Variants in NEBL observed in about 807,000 individuals in gnomAD.
NEBL encodes nebulette, also known as LIM and SH3 protein 2.
NEBL carries 122 observed loss-of-function variants against 140.2 expected under a neutral mutation model. That is an observed-to-expected ratio of 0.87 (90% confidence interval 0.75 to 1.01). NEBL has a LOEUF of 1.01. Ranked by LOEUF, NEBL falls within the 50% of genes least tolerant of loss-of-function variation. NEBL has a pLI of 0.00. For missense variants in NEBL, 1,365 were observed against 1,231.3 expected (o/e 1.11, Z -1.62); for synonymous variants, 436 against 398.9 (o/e 1.09, Z -1.11).
At chr10:20,960,405 G>C (rs1835997309) in intron 4 of NEBL, among the ~76,000 whole-genome samples, 1 of 151,898 alleles carries the variant, frequency 6.6e-6, no homozygotes. Flanking sequence ...TGCTGGGATG[G>C]GGTAGAAAAA....
intron 2 of NEBL, among the ~76,000 whole-genome samples, chr10:21,106,547 A>G (rs1313244494): frequency 6.6e-6 from 1 of 152,032 alleles, no homozygotes; most frequent in African/African-American, 2.4e-5. Context: ...TGGTCTATAT[A>G]TCTGTTTTGG....
intron 26 of NEBL, among the ~76,000 whole-genome samples, chr10:20,798,932 T>C (rs1028543667): frequency 6.6e-6 from 1 of 152,182 alleles, no homozygotes; most frequent in East Asian, 1.9e-4. Flanking sequence ...ATTTCTTTCA[T>C]TCCATTTCTA....
intron 26 of NEBL, among the ~76,000 whole-genome samples, chr10:20,789,953 G>GTA (rs144361238): frequency 0.02 from 2,973 of 146,386 alleles, 87 homozygotes; most frequent in African/African-American, 0.065. Flanking sequence ...ATATGTGTGT[G>GTA]TATATATATA....
At chr10:21,117,282 C>T (rs1464985727) in intron 2 of NEBL, among the ~76,000 whole-genome samples, 2 of 151,914 alleles carry the variant, frequency 1.3e-5, no homozygotes, top group African/African-American at 4.8e-5. Flanking sequence ...GATGACTGCA[C>T]CCAATTCTTG....
chr10:20,995,791 A>G (rs1190017016), intron 3 of NEBL, among the ~76,000 whole-genome samples: 1 of 152,106 alleles, frequency 6.6e-6, no homozygotes, highest in African/African-American at 2.4e-5. Context: ...ACCTCTGCAG[A>G]TGCTGCTCGG....
intron 24 of NEBL, 45 bp from the exon 25 acceptor site, chr10:20,809,943 A>G (rs768110112): frequency 8.0e-7 from 1 of 1,243,004 alleles, no homozygotes; most frequent in Admixed American, 2.0e-5. Flanking sequence ...GAAGGAATTT[A>G]AAAAAGGAAA....
chr10:20,942,596 A>C (rs1834932722), intron 4 of NEBL, among the ~76,000 whole-genome samples: 2 of 152,218 alleles, frequency 1.3e-5, no homozygotes, highest in Non-Finnish European at 2.9e-5. Flanking sequence ...AATGGGACCT[A>C]ATTAAACTAA....
chr10:21,100,260 C>A (rs1589233450), intron 2 of NEBL, among the ~76,000 whole-genome samples: 2 of 152,178 alleles, frequency 1.3e-5, no homozygotes, highest in Admixed American at 1.3e-4. Flanking sequence ...CATTCCCCAC[C>A]ATCAGCCGGT....
At chr10:20,942,478 T>TA (rs1834925709) in intron 4 of NEBL, among the ~76,000 whole-genome samples, 1 of 152,108 alleles carries the variant, frequency 6.6e-6, no homozygotes, top group Non-Finnish European at 1.5e-5. Context: ...ACTAAAACCA[T>TA]AAAAACCCTA....
intron 2 of NEBL, among the ~76,000 whole-genome samples, chr10:21,032,389 T>C (rs1377967770): frequency 6.6e-6 from 1 of 152,200 alleles, no homozygotes; most frequent in African/African-American, 2.4e-5. Flanking sequence ...GATATTCTTC[T>C]GGGATTTTGG....
At chr10:21,128,645 G>C (rs893225324) in intron 2 of NEBL, among the ~76,000 whole-genome samples, 1 of 151,796 alleles carries the variant, frequency 6.6e-6, no homozygotes, top group African/African-American at 2.4e-5. Flanking sequence ...GAATGGAAAG[G>C]GCGAGAGAAC....
In NEBL at chr10:20,992,765, C is replaced by CTTTTTTTT. The variant is rs35627113; in HGVS notation, c.249+27344_249+27351dup. On this transcript the variant is annotated intron_variant, in intron 3 of 6. Coordinates refer to the NEBL transcript ENST00000417816. ...AATCAGTCATTTGCAACTACAAAGT[C>CTTTTTTTT]TTTTTTTTTTTTTTTTTTTTTTTTT... Among the ~76,000 whole-genome samples, 48 of 52,464 alleles carry CTTTTTTTT rather than the reference C, an allele frequency of 9.1e-4. 6 individuals carry two copies. Among genetic ancestry groups the CTTTTTTTT allele is most frequent in the African/African-American group, 3.6e-3 (43 of 11,814 alleles). The allele number at this position is 52,464 out of a possible 152,430, so 34.4% of individuals were successfully genotyped here.
chr10:21,084,482 G>A (rs146984044), intron 2 of NEBL, among the ~76,000 whole-genome samples: 1 of 152,124 alleles, frequency 6.6e-6, no homozygotes, highest in Admixed American at 6.6e-5. Context: ...CTACTGGGGA[G>A]GCTGAGGCAT....
intron 2 of NEBL, among the ~76,000 whole-genome samples, chr10:21,025,906 T>C (rs1839008724): frequency 6.6e-6 from 1 of 152,216 alleles, no homozygotes; most frequent in African/African-American, 2.4e-5. Flanking sequence ...CTACCATTAC[T>C]TATAATATTA....
At chr10:20,877,873 C>T (rs918112878) in intron 5 of NEBL, among the ~76,000 whole-genome samples, 2 of 152,182 alleles carry the variant, frequency 1.3e-5, no homozygotes, top group African/African-American at 4.8e-5. Context: ...CATTTGGGTG[C>T]ACCTCTTTCT....
chr10:21,141,604 A>G (rs1181488387), intron 2 of NEBL, among the ~76,000 whole-genome samples: 1 of 152,250 alleles, frequency 6.6e-6, no homozygotes, highest in Non-Finnish European at 1.5e-5. Flanking sequence ...ACCCTTGAAC[A>G]TCAAAAATCA....
At chr10:21,134,297 T>G (rs186992090) in intron 2 of NEBL, among the ~76,000 whole-genome samples, 49 of 152,246 alleles carry the variant, frequency 3.2e-4, no homozygotes, top group African/African-American at 1.2e-3. Flanking sequence ...ACAGTTGAAT[T>G]AAGTCATGTC....
chr10:21,205,711 T>A (rs1841814900), intron 3 of NEBL, among the ~76,000 whole-genome samples: 1 of 152,148 alleles, frequency 6.6e-6, no homozygotes, highest in Non-Finnish European at 1.5e-5. Flanking sequence ...GTGATTTTTA[T>A]TTTCACCTTA....
chr10:20,987,928 T>A (rs557626531), intron 3 of NEBL, among the ~76,000 whole-genome samples: 1 of 152,330 alleles, frequency 6.6e-6, no homozygotes, highest in East Asian at 1.9e-4. Context: ...CACATGAAAC[T>A]TATATTCCAT....
Sources: allele counts gnomAD v4.1 joint callset (sites outside exome capture counted in the v4.1 genomes callset), GRCh38; gene constraint gnomAD v4.1.1; transcripts MANE v1.5; gene names NCBI Gene and HGNC (gene_info 2026-07-23, HGNC 2026-07-21).